RSBN1L: variants seen among roughly 807,000 people sequenced by gnomAD.
RSBN1L encodes round spermatid basic protein 1 like.
A neutral mutation model predicts 67.7 loss-of-function variants in RSBN1L; 30 were observed. That is an observed-to-expected ratio of 0.44 (90% CI 0.33 to 0.60). The LOEUF is 0.60. Among genes scored for constraint, RSBN1L ranks in the 20% least tolerant of loss-of-function variants. The probability of loss-of-function intolerance (pLI) is 0.02; values close to 1 mark genes in which losing one functional copy is unlikely to be tolerated. For missense variants in RSBN1L, 992 were observed against 1,031.7 expected (o/e 0.96, Z 0.53); for synonymous variants, 433 against 387.0 (o/e 1.12, Z -1.39).
At position 77,755,192 on chromosome 7, in the gene RSBN1L, A is replaced by G. The variant is rs561230939; in HGVS notation, c.1344+5128A>G. On this transcript the variant is annotated intron_variant, in intron 3 of 7. Coordinates refer to ENST00000334955, the MANE Select transcript of RSBN1L (RefSeq NM_198467.3). Reference sequence around the variant, plus strand: ...AGTTTTACTTAATATAAACCACAGCAAAAACAAATTGTGGATAATAAAGCC... The same window carrying G: ...AGTTTTACTTAATATAAACCACAGCGAAAACAAATTGTGGATAATAAAGCC... Among the ~76,000 whole-genome samples the G allele has an allele frequency of 5.4e-4, 82 of 152,316 alleles. 2 individuals are homozygous for G. The South Asian group carries it at 0.01, about 19-fold the overall frequency.
At chr7:77,724,930 C>T (rs1279019368) in intron 1 of RSBN1L, among the ~76,000 whole-genome samples, 4 of 151,046 alleles carry the variant, frequency 2.6e-5, no homozygotes, top group Non-Finnish European at 5.9e-5. Context: ...GCAACCTCCG[C>T]CTCCCGGGTC....
chr7:77,747,407 T>A (rs1444664836), intron 2 of RSBN1L, among the ~76,000 whole-genome samples: 2 of 152,142 alleles, frequency 1.3e-5, no homozygotes, highest in South Asian at 2.1e-4. Context: ...TAGGACTGAG[T>A]GGTTTCCTGG....
At chr7:77,740,023 A>T (rs1277563588) in intron 2 of RSBN1L, among the ~76,000 whole-genome samples, 3 of 151,768 alleles carry the variant, frequency 2.0e-5, no homozygotes. Flanking sequence ...AAGTGCTGGG[A>T]TTATAGGCAT....
intron 2 of RSBN1L, among the ~76,000 whole-genome samples, chr7:77,748,734 C>G (rs1791515709): frequency 6.6e-6 from 1 of 152,102 alleles, no homozygotes; most frequent in South Asian, 2.1e-4. Context: ...ATCCACTCAC[C>G]TCGGCCTCCC....
intron 4 of RSBN1L, among the ~76,000 whole-genome samples, chr7:77,766,646 A>T (rs1791769469): frequency 6.6e-6 from 1 of 152,116 alleles, no homozygotes; most frequent in African/African-American, 2.4e-5. Flanking sequence ...TCAGTAACTC[A>T]AAGGTCAATG....
At chr7:77,760,393 C>T (rs961869196) in intron 3 of RSBN1L, among the ~76,000 whole-genome samples, 8 of 151,948 alleles carry the variant, frequency 5.3e-5, no homozygotes, top group African/African-American at 1.9e-4. Context: ...AAAATGTGGC[C>T]ATGATGGTCA....
chr7:77,779,152 A>G lies in RSBN1L; in HGVS notation c.2525A>G (p.Asp842Gly). Reference protein sequence around the residue: ...SAHSNQDKKDDDILC With the variant: ...SAHSNQDKKDGDILC ...CATTCAAATCAAGATAAAAAAGACG[A>G]TGACATTTTGTGCTAAATTTGCATA... The change falls in exon 8 of 8, where the codon GAT becomes GGT. Residue 842 changes from aspartate to glycine, a missense_variant. Physicochemically the swap from Asp to Gly is moderately conservative, Grantham distance 94 (BLOSUM62 -1). Around this residue, in one of 7 missense-constraint regions of RSBN1L, gnomAD observed 199 missense variants for 167.7 expected, o/e 1.19. Transcript: ENST00000334955. 6.3e-7 allele frequency: 1 copy of G among 1,581,266 alleles called. No homozygotes were observed. Among genetic ancestry groups the G allele is most frequent in the Non-Finnish European group, 8.6e-7 (1 of 1,168,494 alleles).
Position 77,779,141 on chromosome 7 carries a change from T to TA in RSBN1L, c.2520dup (p.Asp841ArgfsTer3), listed in dbSNP as rs758036135. The TA allele has an allele frequency of 6.3e-6, 10 of 1,585,044 alleles. No homozygotes were observed. The highest frequency in any genetic ancestry group is 1.9e-5 in the Admixed American group (1 of 52,020). ...ACAGTTCAGCACATTCAAATCAAGA[T>TA]AAAAAAGACGATGACATTTTGTGCT... On this transcript the variant is annotated frameshift_variant, in exon 8 of 8. Coordinates refer to ENST00000334955, the MANE Select transcript of RSBN1L (RefSeq NM_198467.3). LOFTEE classifies it high-confidence loss of function.
intron 3 of RSBN1L, among the ~76,000 whole-genome samples, chr7:77,751,140 A>G (rs1791551171): frequency 7.2e-6 from 1 of 138,298 alleles, no homozygotes; most frequent in South Asian, 2.3e-4. Context: ...AGTCTGGAAA[A>G]TAATGTGGTG....
At chr7:77,768,579 CAG>C (rs1318194070) in intron 4 of RSBN1L, 80 bp from the exon 5 acceptor site, 2 of 1,202,216 alleles carry the variant, frequency 1.7e-6, no homozygotes, top group Non-Finnish European at 2.3e-6. Flanking sequence ...GTGTGTTTGT[CAG>C]GGGAACAATA....
At chr7:77,728,889 C>T (rs1791240498) in intron 1 of RSBN1L, among the ~76,000 whole-genome samples, 1 of 152,162 alleles carries the variant, frequency 6.6e-6, no homozygotes, top group African/African-American at 2.4e-5. Flanking sequence ...ATCTGTACCT[C>T]AGGTTTGAGT....
chr7:77,750,220 A>G (rs531250927), intron 3 of RSBN1L, among the ~76,000 whole-genome samples, 156 bp downstream of exon 3: 3 of 151,806 alleles, frequency 2.0e-5, no homozygotes, highest in East Asian at 3.9e-4. Flanking sequence ...TGATGTGAGC[A>G]TCAGAATTTA....
intron 1 of RSBN1L, among the ~76,000 whole-genome samples, chr7:77,715,373 C>T (rs1317892449): frequency 6.6e-6 from 1 of 152,048 alleles, no homozygotes; most frequent in African/African-American, 2.4e-5. Flanking sequence ...CTTTGTCGCC[C>T]AGGCTGGAGT....
rs561248355 is a variant in RSBN1L at position 77,749,393 on chromosome 7, A to G, written c.704-31A>G. ...GCATGGTTTTTAAAGTAATTAAAAT[A>G]TGGAGTTTCAAAAAACATTTTTTCC... On this transcript the variant is annotated intron_variant, in intron 2 of 7. Transcript: ENST00000334955. 5.3e-5 allele frequency: 78 copies of G among 1,459,434 alleles called. No homozygotes were observed. In the South Asian group the frequency reaches 6.8e-4, roughly 13 times the overall value. 90.4% of individuals were successfully genotyped at this position (1,459,434 alleles called of 1,614,324 possible).
intron 1 of RSBN1L, among the ~76,000 whole-genome samples, chr7:77,719,533 GAC>G (rs1791089156): frequency 6.6e-6 from 1 of 152,168 alleles, no homozygotes; most frequent in Non-Finnish European, 1.5e-5. Context: ...AGTAGCTATA[GAC>G]ACACGATTCA....
intron 1 of RSBN1L, among the ~76,000 whole-genome samples, chr7:77,710,750 C>G (rs936353369): frequency 6.6e-6 from 1 of 152,066 alleles, no homozygotes; most frequent in African/African-American, 2.4e-5. Flanking sequence ...CGCCTGCCAT[C>G]ATGCCTGGCT....
In RSBN1L at chr7:77,765,662, T is replaced by G. The variant is rs757771288; in HGVS notation, c.1482+30T>G. On this transcript the variant is annotated intron_variant, in intron 4 of 7. Transcript: ENST00000334955. ...GAGACAATCTGTCATGGGATTAGAG[T>G]TTTTTTTTTAAAAAAGGGAAGAAAA... The G allele has an allele frequency of 3.5e-5, 48 of 1,369,568 alleles. No homozygotes were observed. In the Admixed American group the frequency reaches 4.3e-4, roughly 12 times the overall value. 84.8% of individuals were successfully genotyped at this position (1,369,568 alleles called of 1,614,324 possible). A position where few individuals can be genotyped will look rare whatever the true frequency, so the allele number is the denominator to read the frequency against.
chr7:77,706,832 A>G (rs78462774), intron 1 of RSBN1L, among the ~76,000 whole-genome samples: 6,689 of 152,216 alleles, frequency 0.044, 175 homozygotes, highest in African/African-American at 0.075. Flanking sequence ...TAGTAGGGCA[A>G]TTACAGTTGG....
At chr7:77,772,073 G>A (rs984280874) in intron 5 of RSBN1L, among the ~76,000 whole-genome samples, 4 of 152,174 alleles carry the variant, frequency 2.6e-5, no homozygotes. Context: ...TGGTATTTAT[G>A]CAGCTAAATT....
Sources: allele counts gnomAD v4.1 joint callset (sites outside exome capture counted in the v4.1 genomes callset), GRCh38; gene constraint gnomAD v4.1.1; regional missense constraint gnomAD v4.1.1; transcripts MANE v1.5; gene names NCBI Gene and HGNC (gene_info 2026-07-23, HGNC 2026-07-21).